Variants in KANK1 observed in about 807,000 individuals in gnomAD.
KANK1 encodes KN motif and ankyrin repeat domain-containing protein 1.
In KANK1, 109 loss-of-function variants were observed where a neutral mutation model predicts 106.2. The observed-to-expected ratio is 1.03, with a 90% CI of 0.88 to 1.20. KANK1 has a LOEUF of 1.20. KANK1 is among the 50% of genes most tolerant of loss of function. KANK1 has a pLI of 0.00. For synonymous variants in KANK1, 873 were observed against 652.2 expected (o/e 1.34, Z -5.16); for missense variants, 2,399 against 1,710.7 (o/e 1.40, Z -7.10).
intron 1 of KANK1, among the ~76,000 whole-genome samples, chr9:669,765 CT>C (rs1389025855): frequency 6.6e-6 from 1 of 151,956 alleles, no homozygotes; most frequent in Non-Finnish European, 1.5e-5. Context: ...GGATATTTTT[CT>C]CATATTTTGG....
chr9:729,793 C>T (rs1295374013), intron 3 of KANK1, among the ~76,000 whole-genome samples: 1 of 152,090 alleles, frequency 6.6e-6, no homozygotes, highest in African/African-American at 2.4e-5. Context: ...ATGCTACTTC[C>T]ATGACTAGAA....
intron 1 of KANK1, among the ~76,000 whole-genome samples, chr9:630,188 C>T (rs1835329250): frequency 6.6e-6 from 1 of 151,760 alleles, no homozygotes. Context: ...TTCGAGGCTG[C>T]AGTGAGCTGA....
At chr9:703,846 G>C (rs988542744) in intron 2 of KANK1, among the ~76,000 whole-genome samples, 1 of 151,936 alleles carries the variant, frequency 6.6e-6, no homozygotes, top group Non-Finnish European at 1.5e-5. Context: ...TGAATAGCTG[G>C]GATTACAGGT....
chr9:606,478 C>T (rs1327256571), intron 1 of KANK1, among the ~76,000 whole-genome samples: 1 of 147,786 alleles, frequency 6.8e-6, no homozygotes, highest in Non-Finnish European at 1.5e-5. Context: ...ATCACTTGAA[C>T]CCAGGAGGTG....
At chr9:551,130 A>T (rs548178672) in intron 1 of KANK1, among the ~76,000 whole-genome samples, 1 of 151,986 alleles carries the variant, frequency 6.6e-6, no homozygotes, top group Non-Finnish European at 1.5e-5. Context: ...TGTGTGGCTC[A>T]GTATAACCAG....
At chr9:616,926 C>T (rs80124164) in intron 1 of KANK1, among the ~76,000 whole-genome samples, 6,517 of 152,238 alleles carry the variant, frequency 0.043, 456 homozygotes, top group African/African-American at 0.15. Context: ...CAATGCCACA[C>T]CCGAGTTGAG....
At chr9:735,651 C>A in intron 7 of KANK1, 1 of 328,272 alleles carries the variant, frequency 3.0e-6, no homozygotes, top group Non-Finnish European at 6.8e-6. Flanking sequence ...ATAAACTATG[C>A]ATCTACTTTA....
chr9:566,688 C>T (rs139749598), intron 1 of KANK1, among the ~76,000 whole-genome samples: 59 of 152,086 alleles, frequency 3.9e-4, no homozygotes, highest in African/African-American at 1.4e-3. Flanking sequence ...ATGCCTTTGC[C>T]TACTTTTTAA....
intron 4 of KANK1, 110 bp downstream of exon 4, chr9:730,358 A>G: frequency 8.6e-7 from 1 of 1,159,070 alleles, no homozygotes; most frequent in East Asian, 2.5e-5. Context: ...GAAAGTTAAT[A>G]TCGTTATTTG....
intron 1 of KANK1, among the ~76,000 whole-genome samples, chr9:581,181 G>A (rs1312350610): frequency 3.9e-5 from 6 of 152,182 alleles, no homozygotes; most frequent in Non-Finnish European, 5.9e-5. Flanking sequence ...GCAAGCAGAG[G>A]GAGCCGGCTC....
chr9:496,265 C>T (rs961718801), intron 3 of KANK1, among the ~76,000 whole-genome samples: 1 of 152,192 alleles, frequency 6.6e-6, no homozygotes, highest in African/African-American at 2.4e-5. Context: ...ATTAAAACTA[C>T]ATTCTTGGCC....
At chr9:578,198 C>G (rs1057363448) in intron 1 of KANK1, among the ~76,000 whole-genome samples, 1 of 152,192 alleles carries the variant, frequency 6.6e-6, no homozygotes, top group African/African-American at 2.4e-5. Flanking sequence ...AGAAATAAAT[C>G]AGTAAAAGCA....
At chr9:663,749 C>T (rs896178179) in intron 1 of KANK1, among the ~76,000 whole-genome samples, 2 of 152,154 alleles carry the variant, frequency 1.3e-5, no homozygotes, top group Admixed American at 6.5e-5. Context: ...AGAGCCAGCA[C>T]GGGATTCTGA....
intron 1 of KANK1, among the ~76,000 whole-genome samples, chr9:636,364 G>A (rs1463799672): frequency 2.0e-5 from 3 of 152,188 alleles, no homozygotes; most frequent in Non-Finnish European, 2.9e-5. Context: ...TGCAGGGTAT[G>A]TCCTGGTTTC....
chr9:688,791 G>C (rs777301001), intron 2 of KANK1, among the ~76,000 whole-genome samples: 9 of 152,146 alleles, frequency 5.9e-5, no homozygotes, highest in Non-Finnish European at 1.0e-4. Context: ...CAACCAGATA[G>C]GGAGGAGGTG....
At chr9:570,127 C>G (rs768694518) in intron 1 of KANK1, among the ~76,000 whole-genome samples, 15 of 152,102 alleles carry the variant, frequency 9.9e-5, no homozygotes, top group Non-Finnish European at 1.9e-4. Context: ...TTGTTTTAAT[C>G]TGTGCTTGGA....
chr9:525,247 G>A (rs529558005), intron 1 of KANK1, among the ~76,000 whole-genome samples: 4 of 151,066 alleles, frequency 2.6e-5, no homozygotes, highest in Non-Finnish European at 5.9e-5. Flanking sequence ...CACCCACCTT[G>A]GCCTCCCAAA....
At chr9:695,345 C>T (rs1462021907) in intron 2 of KANK1, among the ~76,000 whole-genome samples, 1 of 152,086 alleles carries the variant, frequency 6.6e-6, no homozygotes, top group East Asian at 1.9e-4. Flanking sequence ...TTTAACCTGG[C>T]CATAATATGC....
Position 711,309 on chromosome 9 carries a change from G to A in KANK1, c.543G>A (p.Arg181=). Residue 181 remains arginine (R), a synonymous_variant, in exon 3 of 12, where the codon AGG becomes AGA. Coordinates refer to ENST00000382297, the MANE Select transcript of KANK1 (RefSeq NM_015158.5). ...AGATGACACCGGGTGAGTTCAGAAG[G>A]CCCAGGCTGGCCAGTTTTGGAGGCA... The part of the protein sequence containing the change: ...TMQMTPGEFR[R]PRLASFGGMG... The A allele has an allele frequency of 1.2e-6, 2 of 1,614,126 alleles. No homozygotes were observed. The highest frequency in any genetic ancestry group is 1.7e-6 in the Non-Finnish European group (2 of 1,180,034).
Sources: allele counts gnomAD v4.1 joint callset (sites outside exome capture counted in the v4.1 genomes callset), GRCh38; gene constraint gnomAD v4.1.1; transcripts MANE v1.5; gene names NCBI Gene and HGNC (gene_info 2026-07-23, HGNC 2026-07-21).